Variants in PROS1 observed in about 807,000 individuals in gnomAD.
PROS1 encodes the protein protein S.
PROS1 carries 29 observed loss-of-function variants against 75.9 expected under a neutral mutation model. The ratio of observed to expected loss-of-function variants is 0.38; its 90% CI spans 0.28 to 0.52. The LOEUF (loss-of-function observed/expected upper bound fraction) is 0.52. PROS1 is among the 20% of genes least tolerant of loss of function. PROS1 has a pLI of 0.83. For synonymous variants in PROS1, 245 were observed against 280.6 expected (o/e 0.87, Z 1.27); for missense variants, 680 against 810.3 (o/e 0.84, Z 1.95).
At chr3:93,938,528 A>G (rs559394981) in intron 1 of PROS1, among the ~76,000 whole-genome samples, 1,636 of 152,272 alleles carry the variant, frequency 0.011, 40 homozygotes, top group African/African-American at 0.036. Context: ...AGATCCACCC[A>G]CGACCTCAGG....
At chr3:93,901,055 G>A (rs1222063505) in intron 6 of PROS1, 126 bp from the exon 7 acceptor site, 15 of 1,015,024 alleles carry the variant, frequency 1.5e-5, no homozygotes, top group Non-Finnish European at 2.1e-5. Context: ...TTGGCCTTTG[G>A]ACCAAAAAAC....
Position 93,877,004 on chromosome 3 carries a change from A to T in PROS1, c.1832T>A (p.Met611Lys). Residue 611 changes from methionine to lysine, a missense_variant, in exon 14 of 15, where the codon ATG becomes AAG. Coordinates refer to ENST00000394236, the MANE Select transcript of PROS1 (RefSeq NM_000313.4). ...QRQLAVLDKA[M>K]KAKVATYLGG... ...CAGGTATGTGGCCACTTTTGCTTTC[A>T]TTGCTTTGTCCAAGACGGCAAGTTG... 1 of 1,613,122 alleles carries T rather than the reference A, an allele frequency of 6.2e-7. No homozygotes were observed. Among genetic ancestry groups the T allele is most frequent in the Non-Finnish European group, 8.5e-7 (1 of 1,179,236 alleles).
At chr3:93,944,446 A>G (rs1272831366) in intron 1 of PROS1, among the ~76,000 whole-genome samples, 2 of 152,206 alleles carry the variant, frequency 1.3e-5, no homozygotes, top group Non-Finnish European at 1.5e-5. Flanking sequence ...AGAAATTATA[A>G]CAAACTGTCT....
intron 1 of PROS1, among the ~76,000 whole-genome samples, chr3:93,938,248 G>T (rs565822059): frequency 6.6e-6 from 1 of 151,608 alleles, no homozygotes; most frequent in South Asian, 2.1e-4. Flanking sequence ...TGTAACCCCC[G>T]CCCCTGCCAC....
intron 1 of PROS1, among the ~76,000 whole-genome samples, chr3:93,951,160 G>A (rs1376265874): frequency 3.9e-5 from 6 of 152,140 alleles, no homozygotes; most frequent in Admixed American, 3.3e-4. Flanking sequence ...AACCAAGTGG[G>A]AAAACATTCT....
chr3:93,926,053 G>T (rs1275269312), intron 2 of PROS1, among the ~76,000 whole-genome samples: 2 of 151,966 alleles, frequency 1.3e-5, no homozygotes, highest in Non-Finnish European at 2.9e-5. Flanking sequence ...TATCCATTGT[G>T]TTAGAAATAC....
At chr3:93,924,661 C>CT in intron 2 of PROS1, among the ~76,000 whole-genome samples, 1 of 148,952 alleles carries the variant, frequency 6.7e-6, no homozygotes. Flanking sequence ...GTAACGTACT[C>CT]TCTTTTTTTT....
At chr3:93,957,193 AC>A (rs1020755366) in intron 1 of PROS1, among the ~76,000 whole-genome samples, 47 of 152,308 alleles carry the variant, frequency 3.1e-4, no homozygotes, top group Admixed American at 5.2e-4. Flanking sequence ...ACTTACTGAT[AC>A]AAAAACAATC....
chr3:93,896,533 T>C, intron 9 of PROS1, 43 bp downstream of exon 9: 1 of 1,450,210 alleles, frequency 6.9e-7, no homozygotes, highest in African/African-American at 1.4e-5. Context: ...TCTGCCCTTA[T>C]CTGCTTAACC....
chr3:93,910,519 A>G, intron 4 of PROS1, 100 bp downstream of exon 4: 3 of 904,368 alleles, frequency 3.3e-6, no homozygotes, highest in Non-Finnish European at 5.4e-6. Flanking sequence ...CCATCAAAGG[A>G]TCATTTCTCA....
rs200886866 is a variant in PROS1 at position 93,910,696 on chromosome 3, C to G, written c.269G>C (p.Arg90Pro). 6.2e-7 allele frequency: 1 copy of G among 1,611,528 alleles called. No homozygotes were observed. Among genetic ancestry groups the G allele is most frequent in the Non-Finnish European group, 8.5e-7 (1 of 1,178,298 alleles). Residue 90 changes from arginine (R) to proline (P), a missense_variant, in exon 4 of 15, where the codon CGC (arginine) becomes CCC (proline). By Grantham distance (103) the Arg-to-Pro change is moderately radical. Coordinates refer to ENST00000394236, the MANE Select transcript of PROS1 (RefSeq NM_000313.4). ...AGTGAATAACCCAGTTTGAAAAGAG[C>G]GAAGACAAACTGAAAATAAAAACAA... Reference protein sequence around the residue: ...YFYPKYLVCLRSFQTGLFTAA... With the variant: ...YFYPKYLVCLPSFQTGLFTAA...
At chr3:93,950,973 C>G (rs1709485690) in intron 1 of PROS1, among the ~76,000 whole-genome samples, 1 of 152,042 alleles carries the variant, frequency 6.6e-6, no homozygotes, top group Admixed American at 6.6e-5. Flanking sequence ...CAGGAATAAA[C>G]AGCATAGAGA....
At chr3:93,950,050 G>A (rs113509931) in intron 1 of PROS1, among the ~76,000 whole-genome samples, 2,511 of 152,242 alleles carry the variant, frequency 0.016, 80 homozygotes, top group African/African-American at 0.057. Context: ...CCCATGGCTC[G>A]GAGGGTCCCA....
chr3:93,912,990 T>A (rs951197730), intron 3 of PROS1, among the ~76,000 whole-genome samples: 1 of 152,222 alleles, frequency 6.6e-6, no homozygotes, highest in Admixed American at 6.5e-5. Flanking sequence ...ATCTCAGTAG[T>A]CCTGATATGG....
chr3:93,907,250 G>A (rs1708690241), intron 4 of PROS1, among the ~76,000 whole-genome samples: 1 of 152,200 alleles, frequency 6.6e-6, no homozygotes. Flanking sequence ...AGCCAGAGCA[G>A]AACAGATATC....
At chr3:93,940,361 T>C (rs537490608) in intron 1 of PROS1, among the ~76,000 whole-genome samples, 1 of 152,224 alleles carries the variant, frequency 6.6e-6, no homozygotes, top group African/African-American at 2.4e-5. Context: ...CATTGAGAGG[T>C]ACATCTGTCA....
intron 12 of PROS1, among the ~76,000 whole-genome samples, chr3:93,881,556 CTTT>C (rs71105164): frequency 8.4e-6 from 1 of 118,468 alleles, no homozygotes; most frequent in Non-Finnish European, 1.7e-5. Context: ...GTAGTAAGCA[CTTT>C]TTTTTTTTTT....
At chr3:93,902,280 A>G (rs1708607458) in intron 6 of PROS1, among the ~76,000 whole-genome samples, 1 of 152,216 alleles carries the variant, frequency 6.6e-6, no homozygotes, top group Admixed American at 6.5e-5. Flanking sequence ...CCTGGGCAAC[A>G]GAGGGAGACC....
At chr3:93,960,680 A>G (rs113045444) in intron 1 of PROS1, among the ~76,000 whole-genome samples, 259 of 151,834 alleles carry the variant, frequency 1.7e-3, no homozygotes, top group African/African-American at 5.9e-3. Flanking sequence ...CCAAGCCATC[A>G]AGATTTAGAA....
Sources: gnomAD v4.1 joint callset for allele counts (sites outside exome capture counted in the v4.1 genomes callset) on GRCh38, gnomAD v4.1.1 for gene constraint, MANE v1.5 for transcripts, NCBI Gene and HGNC (gene_info 2026-07-23, HGNC 2026-07-21) for gene names.